The following TNFRSF10C variants were observed in gnomAD, a reference collection of about 807,000 sequenced individuals.
TNFRSF10C encodes the protein tumor necrosis factor receptor superfamily member 10C.
TNFRSF10C carries 17 observed loss-of-function variants against 16.7 expected under a neutral mutation model. That is an observed-to-expected ratio of 1.02 (90% CI 0.70 to 1.53). The LOEUF (loss-of-function observed/expected upper bound fraction) is 1.53, where lower values mean the gene tolerates loss of function less well. TNFRSF10C is among the 40% of genes most tolerant of loss of function. The pLI is 0.00. For synonymous variants in TNFRSF10C, 73 were observed against 119.7 expected (o/e 0.61, Z 2.55); for missense variants, 237 against 329.7 (o/e 0.72, Z 2.18).
intron 4 of TNFRSF10C, among the ~76,000 whole-genome samples, chr8:23,116,292 G>A (rs937105247): frequency 2.0e-5 from 3 of 152,332 alleles, no homozygotes; most frequent in African/African-American, 7.2e-5. Context: ...TTGTACTGTG[G>A]GTTGACTGGA....
At chr8:23,114,806 G>A (rs776117539) in intron 3 of TNFRSF10C, 36 bp downstream of exon 3, 2 of 1,583,238 alleles carry the variant, frequency 1.3e-6, no homozygotes, top group South Asian at 2.2e-5. Context: ...CAGAGGTGGA[G>A]CGTGGGGCAA....
chr8:23,107,188 C>A (rs1004524804), intron 1 of TNFRSF10C, among the ~76,000 whole-genome samples: 7 of 152,056 alleles, frequency 4.6e-5, no homozygotes, highest in African/African-American at 1.2e-4. Flanking sequence ...ACAACAACAA[C>A]AAAAAACCAA....
At chr8:23,115,765 C>G in intron 4 of TNFRSF10C, 149 bp downstream of exon 4, 1 of 581,472 alleles carries the variant, frequency 1.7e-6, no homozygotes, top group Non-Finnish European at 3.0e-6. Flanking sequence ...TCTGCAGTGG[C>G]CGCTCCTGGT....
Position 23,111,848 on chromosome 8 carries a change from C to A in TNFRSF10C, c.166+23C>A, listed in dbSNP as rs574762885. 8.1e-6 allele frequency: 13 copies of A among 1,596,640 alleles called. No individual in the cohort carries two copies. The African/African-American group carries it at 1.5e-4, about 18-fold the overall frequency. Reference sequence around the variant, plus strand: ...CAGGTGCACTCTTATTTTTAAAAATCAGTTTATTTTTAATTGACAGATAAA... The same window carrying A: ...CAGGTGCACTCTTATTTTTAAAAATAAGTTTATTTTTAATTGACAGATAAA... On this transcript the variant is annotated intron_variant, in intron 2 of 4. Coordinates refer to ENST00000356864, the MANE Select transcript of TNFRSF10C (RefSeq NM_003841.5).
At chr8:23,114,549 T>G (rs1392041626) in intron 2 of TNFRSF10C, 108 bp from the exon 3 acceptor site, 3 of 835,924 alleles carry the variant, frequency 3.6e-6, no homozygotes, top group Non-Finnish European at 5.9e-6. Context: ...GAAGAGTGGA[T>G]TTCTCTGTCT....
intron 2 of TNFRSF10C, among the ~76,000 whole-genome samples, chr8:23,114,226 A>C (rs1365916077): frequency 6.6e-6 from 1 of 151,946 alleles, no homozygotes; most frequent in African/African-American, 2.4e-5. Context: ...AGTGGACAGC[A>C]AACAGGTCAG....
At chr8:23,103,320 G>A in intron 1 of TNFRSF10C, 139 bp downstream of exon 1, 1 of 1,446,022 alleles carries the variant, frequency 6.9e-7, no homozygotes, top group Non-Finnish European at 9.4e-7. Flanking sequence ...ACTCGCCGTC[G>A]GAGTCAGGGG....
At chr8:23,110,331 C>T in intron 1 of TNFRSF10C, among the ~76,000 whole-genome samples, 1 of 152,118 alleles carries the variant, frequency 6.6e-6, no homozygotes, top group East Asian at 1.9e-4. Flanking sequence ...TGTTTAGATC[C>T]AGGCAGTTGA....
At chr8:23,106,244 A>C (rs1813773223) in intron 1 of TNFRSF10C, among the ~76,000 whole-genome samples, 1 of 152,164 alleles carries the variant, frequency 6.6e-6, no homozygotes, top group Admixed American at 6.5e-5. Flanking sequence ...GGTAGCATGA[A>C]GGAGGCCTGA....
intron 1 of TNFRSF10C, 21 bp downstream of exon 1, chr8:23,103,202 C>G: frequency 6.2e-7 from 1 of 1,604,806 alleles, no homozygotes; most frequent in Non-Finnish European, 8.5e-7. Flanking sequence ...GCCGCGGTCC[C>G]TGGCTGGGGA....
chr8:23,115,999 T>TA (rs1439188718), intron 4 of TNFRSF10C, among the ~76,000 whole-genome samples: 1 of 152,208 alleles, frequency 6.6e-6, no homozygotes, highest in Non-Finnish European at 1.5e-5. Flanking sequence ...CAAGCTGTTT[T>TA]AAAAAATGTT....
chr8:23,114,843 G>C, intron 3 of TNFRSF10C, 73 bp downstream of exon 3: 1 of 1,321,414 alleles, frequency 7.6e-7, no homozygotes, highest in African/African-American at 1.4e-5. Flanking sequence ...GCCGATATGA[G>C]TCAGGGAACC....
At chr8:23,109,138 G>A (rs572820719) in intron 1 of TNFRSF10C, among the ~76,000 whole-genome samples, 1 of 152,282 alleles carries the variant, frequency 6.6e-6, no homozygotes, top group African/African-American at 2.4e-5. Flanking sequence ...GGGGGTTAGG[G>A]AGATGGGGAG....
At chr8:23,112,132 C>T (rs73222547) in intron 2 of TNFRSF10C, among the ~76,000 whole-genome samples, 11,874 of 151,186 alleles carry the variant, frequency 0.079, 765 homozygotes, top group East Asian at 0.31. Context: ...CAAAAATATG[C>T]GGAAGAAATA....
Position 23,109,116 on chromosome 8 carries a change from T to C in TNFRSF10C, c.61-2604T>C, listed in dbSNP as rs186386083. ...TGAAATATACAGCTTTCAATGTTTG[T>C]ATTAAAAAACTGGGGGTTAGGGAGA... On this transcript the variant is annotated intron_variant, in intron 1 of 4. Transcript: ENST00000356864. Among the ~76,000 whole-genome samples the C allele has an allele frequency of 2.6e-5, 4 of 152,250 alleles. No homozygotes were observed. The East Asian group carries it at 7.7e-4, about 29-fold the overall frequency.
chr8:23,111,471 T>C (rs1348715667), intron 1 of TNFRSF10C, among the ~76,000 whole-genome samples: 1 of 152,040 alleles, frequency 6.6e-6, no homozygotes, highest in Non-Finnish European at 1.5e-5. Flanking sequence ...TGCCTCAGAC[T>C]TCCACATTGC....
intron 1 of TNFRSF10C, among the ~76,000 whole-genome samples, chr8:23,103,989 TGA>T (rs1813720378): frequency 6.6e-6 from 1 of 152,244 alleles, no homozygotes; most frequent in African/African-American, 2.4e-5. Context: ...ACAGAAACCA[TGA>T]GAGTTTGCAT....
chr8:23,116,546 C>G, intron 4 of TNFRSF10C, 95 bp from the exon 5 acceptor site: 1 of 1,496,426 alleles, frequency 6.7e-7, no homozygotes, highest in Non-Finnish European at 9.0e-7. Context: ...CTGACACCTT[C>G]TCAGGGACAT....
Position 23,111,798 on chromosome 8 carries a change from A to G in TNFRSF10C, c.139A>G (p.Ser47Gly). Residue 47 changes from serine to glycine, a missense_variant, in exon 2 of 5, where the codon AGC becomes GGC. By Grantham distance (56) the Ser-to-Gly change is moderately conservative (BLOSUM62 0). Coordinates refer to ENST00000356864, the MANE Select transcript of TNFRSF10C (RefSeq NM_003841.5). ...QTVAPQQQRH[S>G]FKGEECPAGS... ...AGTGGCCCCACAGCAACAGAGGCACAGCTTCAAGGGGGAGGAGTGTCCAGC... is the reference window on the plus strand; with the variant it reads ...AGTGGCCCCACAGCAACAGAGGCACGGCTTCAAGGGGGAGGAGTGTCCAGC... 6.2e-7 allele frequency: 1 copy of G among 1,614,150 alleles called. No homozygotes were observed. The highest frequency in any genetic ancestry group is 8.5e-7 in the Non-Finnish European group (1 of 1,180,016).
Sources: gnomAD v4.1 joint callset for allele counts (sites outside exome capture counted in the v4.1 genomes callset) on GRCh38, gnomAD v4.1.1 for gene constraint, MANE v1.5 for transcripts, NCBI Gene and HGNC (gene_info 2026-07-23, HGNC 2026-07-21) for gene names.